Variants in GHR observed in about 807,000 individuals in gnomAD.
GHR encodes the protein growth hormone receptor, also known as GH receptor.
GHR carries 35 observed loss-of-function variants against 67.1 expected under a neutral mutation model. That is an observed-to-expected ratio of 0.52 (90% CI 0.40 to 0.69). The LOEUF is 0.69. GHR is among the 30% of genes least tolerant of loss of function. The probability of loss-of-function intolerance (pLI) is 0.00; values close to 1 mark genes in which losing one functional copy is unlikely to be tolerated. For missense variants in GHR, 792 were observed against 764.6 expected, an observed-to-expected ratio of 1.04 and a Z score of -0.42; for synonymous variants, 272 against 269.1, an observed-to-expected ratio of 1.01 and a Z score of -0.10.
At chr5:42,707,959 G>A (rs918987132) in intron 6 of GHR, among the ~76,000 whole-genome samples, 1 of 151,890 alleles carries the variant, frequency 6.6e-6, no homozygotes, top group Non-Finnish European at 1.5e-5. Context: ...ACTTTAAATT[G>A]GACTGTGTAC....
chr5:42,669,183 C>A (rs1370176246), intron 3 of GHR, among the ~76,000 whole-genome samples: 1 of 152,162 alleles, frequency 6.6e-6, no homozygotes, highest in Non-Finnish European at 1.5e-5. Context: ...AAAGCCTGCA[C>A]ATCAACAGGT....
intron 1 of GHR, among the ~76,000 whole-genome samples, chr5:42,533,879 C>G (rs564480923): frequency 2.6e-5 from 4 of 151,092 alleles, no homozygotes; most frequent in Non-Finnish European, 4.4e-5. Context: ...ATTCTTATGC[C>G]TTTGCATCCT....
intron 1 of GHR, chr5:42,514,925 A>C (rs62370646): frequency 0.16 from 25,028 of 152,218 alleles, 2,287 homozygotes; most frequent in Middle Eastern, 0.27. Context: ...ACAACTATTA[A>C]TAAGATCTGA....
At chr5:42,469,569 C>CACAAGACAGAGG (rs1744905290) in intron 1 of GHR, among the ~76,000 whole-genome samples, 1 of 152,180 alleles carries the variant, frequency 6.6e-6, no homozygotes, top group Non-Finnish European at 1.5e-5. Context: ...CACAAGACCT[C>CACAAGACAGAGG]TTCCTCTGAC....
chr5:42,662,737 G>T (rs1375160755), intron 3 of GHR, among the ~76,000 whole-genome samples: 10 of 152,064 alleles, frequency 6.6e-5, no homozygotes, highest in Non-Finnish European at 1.3e-4. Context: ...CTAGGAGAAG[G>T]CAAGAAATAA....
At chr5:42,707,529 G>A (rs897456289) in intron 6 of GHR, among the ~76,000 whole-genome samples, 13 of 151,950 alleles carry the variant, frequency 8.6e-5, no homozygotes, top group South Asian at 4.1e-4. Context: ...TGCACTGAAT[G>A]TGTAGATTGG....
At chr5:42,468,656 C>T (rs1295872471) in intron 1 of GHR, 4 of 1,036,346 alleles carry the variant, frequency 3.9e-6, no homozygotes, top group Non-Finnish European at 6.0e-6. Flanking sequence ...GGACTCCTTG[C>T]GCAGCTAGCT....
intron 8 of GHR, among the ~76,000 whole-genome samples, chr5:42,715,397 A>G (rs2910878): frequency 0.66 from 100,568 of 151,994 alleles, 34,480 homozygotes; most frequent in East Asian, 0.84. Context: ...GTCAGGTCCT[A>G]CATGCCTTTG....
rs1009412984 is a variant in GHR, at chr5:42,689,020, G to A, written c.266+1G>A. On this transcript the variant is annotated splice_donor_variant, in intron 4 of 9. Transcript: ENST00000230882. LOFTEE classifies it high-confidence loss of function. ...CCATACAGCTGTTCTATACCAGAAG[G>A]TGCCACCATCATGCCTTTCTGATTT... The A allele has an allele frequency of 1.2e-6, 2 of 1,613,512 alleles. No individual in the cohort carries two copies. Among genetic ancestry groups the A allele is most frequent in the Non-Finnish European group, 1.7e-6 (2 of 1,179,464 alleles).
chr5:42,503,974 AT>A (rs1746647969), intron 1 of GHR, among the ~76,000 whole-genome samples: 1 of 152,216 alleles, frequency 6.6e-6, no homozygotes, highest in Admixed American at 6.5e-5. Flanking sequence ...TTGGGAAAGC[AT>A]TAAACTGTGG....
chr5:42,656,519 C>T (rs1344203407), intron 3 of GHR, among the ~76,000 whole-genome samples: 5 of 152,048 alleles, frequency 3.3e-5, no homozygotes, highest in Non-Finnish European at 7.4e-5. Context: ...CACTCCTGTC[C>T]ATCCCCCATT....
chr5:42,647,112 G>T (rs941230416), intron 3 of GHR, among the ~76,000 whole-genome samples: 1 of 152,104 alleles, frequency 6.6e-6, no homozygotes, highest in Non-Finnish European at 1.5e-5. Context: ...GTATGTGGGT[G>T]ATGCCGCTGA....
At chr5:42,541,662 C>T (rs1748524173) in intron 1 of GHR, among the ~76,000 whole-genome samples, 1 of 151,890 alleles carries the variant, frequency 6.6e-6, no homozygotes, top group Non-Finnish European at 1.5e-5. Flanking sequence ...CATTAAGAAA[C>T]TGTTATAATA....
chr5:42,424,667 G>A lies in GHR; in HGVS notation c.-12+712G>A. On this transcript the variant is annotated intron_variant, in intron 1 of 9. Transcript: ENST00000230882. This position sits in a 1 kb window ranked among gnomAD's most constrained non-coding sequence, Gnocchi z 4.1. ...ACACTAGTGGTTGTAAAATCAACCA[G>A]GCTTAAAGTTTTGACAGAACTGCCA... is the stretch of plus-strand genomic sequence containing the variant. 1.4e-6 allele frequency: 2 copies of A among 1,408,984 alleles called. No homozygotes were observed. Among genetic ancestry groups the A allele is most frequent in the Non-Finnish European group, 1.9e-6 (2 of 1,031,138 alleles). 87.3% of individuals were successfully genotyped at this position (1,408,984 alleles called of 1,614,324 possible).
chr5:42,465,155 C>A (rs1173933413), intron 1 of GHR, among the ~76,000 whole-genome samples: 1 of 152,114 alleles, frequency 6.6e-6, no homozygotes, highest in East Asian at 1.9e-4. Flanking sequence ...AGAGGGGTCC[C>A]ATGGTTTGGA....
chr5:42,466,818 C>G, intron 1 of GHR: 1 of 1,124,526 alleles, frequency 8.9e-7, no homozygotes, highest in Non-Finnish European at 1.2e-6. Flanking sequence ...AAGAAAACAG[C>G]AAAGAGGTGT....
chr5:42,451,636 G>T (rs1271264142), intron 1 of GHR, among the ~76,000 whole-genome samples: 1 of 150,524 alleles, frequency 6.6e-6, no homozygotes, highest in African/African-American at 2.5e-5. Context: ...AACCCAGGAG[G>T]TGGAGGTCAT....
chr5:42,508,839 G>A (rs889166249), intron 1 of GHR, among the ~76,000 whole-genome samples: 1 of 152,188 alleles, frequency 6.6e-6, no homozygotes, highest in African/African-American at 2.4e-5. Flanking sequence ...CTCCCAAAGT[G>A]CTGGGATTAC....
intron 1 of GHR, among the ~76,000 whole-genome samples, chr5:42,478,227 G>A (rs921106888): frequency 2.6e-5 from 4 of 152,034 alleles, no homozygotes; most frequent in African/African-American, 4.8e-5. Flanking sequence ...GGCTCCGTTC[G>A]GTTCCATTGG....
Sources: gnomAD v4.1 joint callset for allele counts (sites outside exome capture counted in the v4.1 genomes callset) on GRCh38, gnomAD v4.1.1 for gene constraint, Gnocchi (gnomAD v3.1) non-coding constraint, MANE v1.5 for transcripts, NCBI Gene and HGNC (gene_info 2026-07-23, HGNC 2026-07-21) for gene names.